Variants in CDH13 observed in about 807,000 individuals in gnomAD.
CDH13 encodes the protein cadherin 13.
A neutral mutation model predicts 63.8 loss-of-function variants in CDH13; 24 were observed. That is an observed-to-expected ratio of 0.38 (90% confidence interval 0.27 to 0.53). The LOEUF is 0.53. Ranked by LOEUF, CDH13 falls within the 20% of genes least tolerant of loss-of-function variation. The pLI, the probability that CDH13 is intolerant of heterozygous loss-of-function variation, is 0.85. For missense variants in CDH13, 1,049 were observed against 903.1 expected, an observed-to-expected ratio of 1.16 and a Z score of -2.07; for synonymous variants, 503 against 355.3, an observed-to-expected ratio of 1.42 and a Z score of -4.67.
At chr16:82,731,598 G>C (rs567742827) in intron 1 of CDH13, among the ~76,000 whole-genome samples, 11 of 152,248 alleles carry the variant, frequency 7.2e-5, no homozygotes, top group Admixed American at 1.3e-4. Flanking sequence ...TTTCAATCTT[G>C]CTTGTTCATT....
chr16:83,507,600 G>A (rs1051666204), intron 7 of CDH13, among the ~76,000 whole-genome samples: 1 of 152,226 alleles, frequency 6.6e-6, no homozygotes, highest in African/African-American at 2.4e-5. Context: ...AACTGAGCTA[G>A]ACTGTTAATA....
At position 83,345,001 on chromosome 16, in the gene CDH13, C is replaced by T. The variant is rs1444835409; in HGVS notation, c.776C>T (p.Pro259Leu). ...ATCGGCCACGTCATGGAAGGGTCAC[C>T]CACAGGTATGTCACATTGGCTTACC... Reference protein sequence around the residue: ...PYIGHVMEGSPTGTTVMRMTA... With the variant: ...PYIGHVMEGSLTGTTVMRMTA... Residue 259 changes from proline (P) to leucine (L), a missense_variant, in exon 6 of 14, where the codon CCC becomes CTC. Physicochemically the swap from Pro to Leu is moderately conservative, Grantham distance 98. Transcript: ENST00000567109. 3 of 1,613,842 alleles carry T rather than the reference C, an allele frequency of 1.9e-6. No individual in the cohort carries two copies. Among genetic ancestry groups the T allele is most frequent in the Admixed American group, 3.3e-5 (2 of 60,010 alleles).
At chr16:83,243,066 A>C (rs952855245) in intron 5 of CDH13, among the ~76,000 whole-genome samples, 1 of 152,148 alleles carries the variant, frequency 6.6e-6, no homozygotes, top group Admixed American at 6.5e-5. Flanking sequence ...CATGGTGAGT[A>C]ATTGGTACAG....
intron 1 of CDH13, among the ~76,000 whole-genome samples, chr16:82,708,547 C>A (rs2031670021): frequency 6.6e-6 from 1 of 152,172 alleles, no homozygotes; most frequent in South Asian, 2.1e-4. Context: ...TTGGATCTGG[C>A]CCCAGATAGT....
chr16:83,631,094 T>G (rs536388748), intron 8 of CDH13, among the ~76,000 whole-genome samples: 2 of 152,332 alleles, frequency 1.3e-5, no homozygotes, highest in South Asian at 4.1e-4. Context: ...AGTTCTGCAT[T>G]TGCTGGCATG....
intron 7 of CDH13, among the ~76,000 whole-genome samples, chr16:83,600,724 C>G (rs1415880040): frequency 1.3e-5 from 2 of 152,122 alleles, no homozygotes; most frequent in African/African-American, 4.8e-5. Flanking sequence ...CTCGGACTCT[C>G]TGTGTGATGA....
At position 82,996,797 on chromosome 16, in the gene CDH13, GGTGATGGTGATGGTGGTGATGATGATA is replaced by G. The variant is rs1190501725; in HGVS notation, c.158-35192_158-35166del. Among the ~76,000 whole-genome samples the G allele has an allele frequency of 3.9e-3, 592 of 152,106 alleles. 2 individuals carry two copies. Among genetic ancestry groups the G allele is most frequent in the Middle Eastern group, 0.034 (10 of 294 alleles). On this transcript the variant is annotated intron_variant, in intron 2 of 13. Transcript: ENST00000567109. ...TGACGATGGTGATGGTGGGGGTAAT[GGTGATGGTGATGGTGGTGATGATGATA>G]GTGATGGTGATGGTGGTGATAGTAA...
intron 7 of CDH13, among the ~76,000 whole-genome samples, chr16:83,575,960 G>A (rs1214910714): frequency 1.3e-5 from 2 of 152,050 alleles, no homozygotes; most frequent in Non-Finnish European, 2.9e-5. Flanking sequence ...AATTAACCAC[G>A]TTAAAGTGAA....
intron 1 of CDH13, among the ~76,000 whole-genome samples, chr16:82,713,928 C>G (rs1235917445): frequency 2.0e-5 from 3 of 151,952 alleles, no homozygotes; most frequent in African/African-American, 7.3e-5. Context: ...GATAAGTACT[C>G]AAATCATACC....
At chr16:82,632,158 C>T (rs958089549) in intron 1 of CDH13, among the ~76,000 whole-genome samples, 9 of 152,274 alleles carry the variant, frequency 5.9e-5, no homozygotes, top group South Asian at 2.1e-4. Context: ...GACGTGCCTC[C>T]GTAGCTTGCC....
In CDH13 at chr16:83,288,591, C is replaced by T. The variant is rs16960125; in HGVS notation, c.637-56271C>T. On this transcript the variant is annotated intron_variant, in intron 5 of 13. Coordinates refer to ENST00000567109, the MANE Select transcript of CDH13 (RefSeq NM_001257.5). Reference sequence around the variant, plus strand: ...AGAGCCAGCTGTCCAGGCAGGACCTCTCTGCGGTGACATTCACATGGCAGA... The same window carrying T: ...AGAGCCAGCTGTCCAGGCAGGACCTTTCTGCGGTGACATTCACATGGCAGA... Among the ~76,000 whole-genome samples the T allele has an allele frequency of 9.1e-4, 139 of 152,298 alleles. 1 individual carries two copies. In the East Asian group the frequency reaches 0.023, roughly 25 times the overall value.
At chr16:82,970,000 C>T (rs149471009) in intron 2 of CDH13, among the ~76,000 whole-genome samples, 1 of 151,574 alleles carries the variant, frequency 6.6e-6, no homozygotes, top group Non-Finnish European at 1.5e-5. Flanking sequence ...AGGTTTCTTA[C>T]GTAGGTATAC....
intron 6 of CDH13, among the ~76,000 whole-genome samples, chr16:83,360,574 C>T (rs117281996): frequency 0.024 from 3,657 of 152,140 alleles, 58 homozygotes; most frequent in Non-Finnish European, 0.036. Context: ...CCAGGTAGCA[C>T]CATAGTACCT....
chr16:83,149,564 A>G (rs745848090), intron 4 of CDH13, among the ~76,000 whole-genome samples: 12 of 152,132 alleles, frequency 7.9e-5, no homozygotes, highest in Non-Finnish European at 1.5e-4. Flanking sequence ...ATACCCCCAT[A>G]CCCTATTCTT....
At chr16:83,375,732 G>C (rs761474092) in intron 6 of CDH13, among the ~76,000 whole-genome samples, 2 of 152,188 alleles carry the variant, frequency 1.3e-5, no homozygotes, top group Non-Finnish European at 2.9e-5. Flanking sequence ...TCTGAGTCTT[G>C]AGGGAACCCC....
intron 3 of CDH13, among the ~76,000 whole-genome samples, chr16:83,066,192 C>G (rs1179178151): frequency 6.6e-6 from 1 of 152,158 alleles, no homozygotes; most frequent in Admixed American, 6.5e-5. Flanking sequence ...TTGGCTTTTT[C>G]TCAGCTACAT....
At chr16:83,177,659 C>T (rs72800289) in intron 4 of CDH13, among the ~76,000 whole-genome samples, 5,947 of 152,244 alleles carry the variant, frequency 0.039, 193 homozygotes, top group Non-Finnish European at 0.051. Flanking sequence ...GCAAGGTCCC[C>T]TCCACATAGG....
intron 1 of CDH13, among the ~76,000 whole-genome samples, chr16:82,704,542 C>T (rs2031323574): frequency 6.6e-6 from 1 of 152,174 alleles, no homozygotes; most frequent in Non-Finnish European, 1.5e-5. Flanking sequence ...AAATCAATAA[C>T]CACAGTGCCT....
chr16:82,775,818 C>T (rs1464057628), intron 1 of CDH13, among the ~76,000 whole-genome samples: 1 of 152,160 alleles, frequency 6.6e-6, no homozygotes, highest in Non-Finnish European at 1.5e-5. Context: ...AGGTGAGGGA[C>T]ATATCCTTTT....
Sources: allele counts gnomAD v4.1 joint callset (sites outside exome capture counted in the v4.1 genomes callset), GRCh38; gene constraint gnomAD v4.1.1; transcripts MANE v1.5; gene names NCBI Gene and HGNC (gene_info 2026-07-23, HGNC 2026-07-21).